Variants in MICAL3 observed in about 807,000 individuals in gnomAD.
MICAL3 encodes the protein microtubule associated monooxygenase, calponin and LIM domain containing 3, also known as [F-actin]-monooxygenase MICAL3.
Under a neutral mutation model 207.4 loss-of-function variants are expected in MICAL3, and 62 were observed. The ratio of observed to expected loss-of-function variants is 0.30; its 90% CI spans 0.24 to 0.37. The LOEUF (loss-of-function observed/expected upper bound fraction) is 0.37, where lower values mean the gene tolerates loss of function less well. Ranked by LOEUF, MICAL3 falls within the 10% of genes least tolerant of loss-of-function variation. The pLI is 1.00. For synonymous variants in MICAL3, 1,077 were observed against 1,069.3 expected, an observed-to-expected ratio of 1.01 and a Z score of -0.14; for missense variants, 2,368 against 2,635.6, an observed-to-expected ratio of 0.90 and a Z score of 2.22.
At chr22:18,006,302 G>T (rs918523245) in intron 1 of MICAL3, 2 of 152,280 alleles carry the variant, frequency 1.3e-5, no homozygotes, top group Non-Finnish European at 2.9e-5. Context: ...AGTGCAAGTG[G>T]ATCCCATCTA....
At chr22:17,908,614 G>A (rs1385999969) in intron 1 of MICAL3, among the ~76,000 whole-genome samples, 1 of 152,186 alleles carries the variant, frequency 6.6e-6, no homozygotes, top group Non-Finnish European at 1.5e-5. Flanking sequence ...TTTCACTTCT[G>A]AAGTTCTCCA....
At chr22:17,864,347 G>A in intron 19 of MICAL3, 3 of 1,241,608 alleles carry the variant, frequency 2.4e-6, no homozygotes, top group Non-Finnish European at 3.1e-6. Flanking sequence ...GGGCAGACAG[G>A]AGAGCAGCCA....
At position 17,816,669 on chromosome 22, in the gene MICAL3, GC is replaced by G. The variant is rs778108465; in HGVS notation, c.5445+20del. 7.2e-6 allele frequency: 11 copies of G among 1,533,932 alleles called. No individual in the cohort carries two copies. The South Asian group carries it at 1.3e-4, about 18-fold the overall frequency. On this transcript the variant is annotated intron_variant, in intron 27 of 31. Coordinates refer to ENST00000441493, the MANE Select transcript of MICAL3 (RefSeq NM_015241.3). ...CAGACAGGGCCCCAGGCCCTGTGAA[GC>G]CCCCTGCCTGACTACCCACCTCTCG...
intron 19 of MICAL3, among the ~76,000 whole-genome samples, chr22:17,855,080 A>G (rs945306292): frequency 1.3e-5 from 2 of 152,194 alleles, no homozygotes; most frequent in African/African-American, 4.8e-5. Context: ...CGTGCCACAC[A>G]TGCCCAGGAG....
At chr22:17,859,185 C>A (rs770671211) in intron 19 of MICAL3, among the ~76,000 whole-genome samples, 16 of 152,148 alleles carry the variant, frequency 1.1e-4, no homozygotes, top group South Asian at 4.1e-4. Flanking sequence ...GTGAGGCCCT[C>A]CCTAACCTGG....
chr22:17,864,456 C>T, intron 19 of MICAL3: 1 of 1,420,574 alleles, frequency 7.0e-7, no homozygotes, highest in African/African-American at 1.4e-5. Context: ...CAGCTCCAGG[C>T]CGTCAGAGGA....
At chr22:17,880,231 C>G (rs930250494) in intron 16 of MICAL3, among the ~76,000 whole-genome samples, 1 of 152,204 alleles carries the variant, frequency 6.6e-6, no homozygotes, top group Non-Finnish European at 1.5e-5. Flanking sequence ...CTATGCGGCT[C>G]AGACACGTGA....
At chr22:17,816,647 A>C in intron 27 of MICAL3, 43 bp downstream of exon 27, 1 of 1,454,280 alleles carries the variant, frequency 6.9e-7, no homozygotes. Flanking sequence ...CAATGAACAG[A>C]CAGGGCCCCA....
Position 17,891,384 on chromosome 22 carries a change from T to C in MICAL3, c.1694+101A>G, listed in dbSNP as rs2075453. Reference sequence around the variant, plus strand: ...GCCTTCTAGAGAAAGTATCTTACTATGTACCTCATTCTAGGAAAAAGGACA... The same window carrying C: ...GCCTTCTAGAGAAAGTATCTTACTACGTACCTCATTCTAGGAAAAAGGACA... On this transcript the variant is annotated intron_variant, in intron 12 of 31. Transcript: ENST00000441493. 0.22 allele frequency: 230,781 copies of C among 1,026,974 alleles called. 26,519 individuals are homozygous for C. The highest frequency in any genetic ancestry group is 0.28 in the Middle Eastern group (1,338 of 4,798). The allele number at this position is 1,026,974 out of a possible 1,614,324, so 63.6% of individuals were successfully genotyped here.
At chr22:17,810,919 G>A in intron 27 of MICAL3, 106 bp from the exon 28 acceptor site, 1 of 838,294 alleles carries the variant, frequency 1.2e-6, no homozygotes, top group South Asian at 1.4e-5. Context: ...CCATGTCGGA[G>A]CTGGTACCCG....
At chr22:17,976,533 A>ATGTGTGTG (rs1278243661) in intron 1 of MICAL3, among the ~76,000 whole-genome samples, 134 of 115,284 alleles carry the variant, frequency 1.2e-3, no homozygotes, top group African/African-American at 4.5e-3. Context: ...ATGTGTATAT[A>ATGTGTGTG]TATGTGTGTG....
At chr22:17,869,752 A>G (rs1243847454) in intron 17 of MICAL3, among the ~76,000 whole-genome samples, 1 of 152,182 alleles carries the variant, frequency 6.6e-6, no homozygotes, top group Non-Finnish European at 1.5e-5. Context: ...GGTGCAAGTG[A>G]GCTATTACTA....
intron 16 of MICAL3, chr22:17,884,437 G>C (rs1844959797): frequency 9.6e-7 from 1 of 1,038,454 alleles, no homozygotes; most frequent in African/African-American, 1.7e-5. Flanking sequence ...GGTGGGAGAA[G>C]AACAGAAAGA....
chr22:17,798,885 G>T (rs1431338408), intron 29 of MICAL3, among the ~76,000 whole-genome samples: 1 of 151,854 alleles, frequency 6.6e-6, no homozygotes, highest in Non-Finnish European at 1.5e-5. Context: ...ATGTTAGCCA[G>T]GATGGTCTCG....
At chr22:17,999,073 G>C (rs146325089) in intron 1 of MICAL3, among the ~76,000 whole-genome samples, 149 of 152,240 alleles carry the variant, frequency 9.8e-4, no homozygotes, top group Non-Finnish European at 1.7e-3. Context: ...GTCAGGCTTC[G>C]ACCATCTGGG....
chr22:17,945,453 T>A (rs757648515), intron 1 of MICAL3, among the ~76,000 whole-genome samples: 1 of 151,764 alleles, frequency 6.6e-6, no homozygotes, highest in East Asian at 1.9e-4. Context: ...CCTGTGGGAG[T>A]AGGAGAGGCA....
chr22:17,875,388 A>G (rs1005494303), intron 16 of MICAL3: 90 of 1,126,798 alleles, frequency 8.0e-5, no homozygotes, highest in Non-Finnish European at 1.0e-4. Flanking sequence ...ACACTTGCGA[A>G]AGTGACGTGA....
intron 16 of MICAL3, among the ~76,000 whole-genome samples, chr22:17,885,163 G>A (rs749909967): frequency 6.6e-6 from 1 of 152,224 alleles, no homozygotes; most frequent in Non-Finnish European, 1.5e-5. Flanking sequence ...GCACTCGCAT[G>A]CATGGCATGT....
At chr22:17,856,456 G>A (rs1005378264) in intron 19 of MICAL3, among the ~76,000 whole-genome samples, 3 of 152,164 alleles carry the variant, frequency 2.0e-5, no homozygotes, top group East Asian at 3.9e-4. Flanking sequence ...GTTTCTCTGA[G>A]ATCGCAGAGC....
Sources: allele counts gnomAD v4.1 joint callset (sites outside exome capture counted in the v4.1 genomes callset), GRCh38; gene constraint gnomAD v4.1.1; transcripts MANE v1.5; gene names NCBI Gene and HGNC (gene_info 2026-07-23, HGNC 2026-07-21).